The following LRRC4C variants were observed in gnomAD, a reference collection of about 807,000 sequenced individuals.
The protein encoded by LRRC4C is leucine rich repeat containing 4C.
LRRC4C carries 5 observed loss-of-function variants against 33.6 expected under a neutral mutation model. That is an observed-to-expected ratio of 0.15 (90% CI 0.08 to 0.31). The LOEUF (loss-of-function observed/expected upper bound fraction) is 0.31. LRRC4C is among the 10% of genes least tolerant of loss of function. The probability of loss-of-function intolerance (pLI) is 1.00; values close to 1 mark genes in which losing one functional copy is unlikely to be tolerated. For synonymous variants in LRRC4C, 329 were observed against 302.0 expected (o/e 1.09, Z -0.93); for missense variants, 560 against 796.7 (o/e 0.70, Z 3.58).
rs1956417533 is a variant in LRRC4C at position 40,535,097 on chromosome 11, A to C, written c.-270+113045T>G. On this transcript the variant is annotated intron_variant, in intron 3 of 6. Coordinates refer to ENST00000528697, the MANE Select transcript of LRRC4C (RefSeq NM_001258419.2). ...AGAAAGTTCTGGAAATTAGATGTAT[A>C]GGTAGCAGTGTATTATGGGACTAAA... Among the ~76,000 whole-genome samples the C allele has an allele frequency of 3.3e-5, 5 of 152,322 alleles. No homozygotes were observed. The South Asian group carries it at 1.0e-3, about 32-fold the overall frequency.
intron 1 of LRRC4C, among the ~76,000 whole-genome samples, chr11:41,221,684 T>A (rs1038808743): frequency 2.6e-5 from 4 of 152,172 alleles, no homozygotes; most frequent in Admixed American, 2.0e-4. Flanking sequence ...GATAAAGACA[T>A]TCTATATTGT....
At chr11:40,314,031 C>A (rs1945457238) in intron 4 of LRRC4C, among the ~76,000 whole-genome samples, 1 of 151,898 alleles carries the variant, frequency 6.6e-6, no homozygotes, top group South Asian at 2.1e-4. Flanking sequence ...AAAGCTTTTG[C>A]ACAGCCAAGG....
intron 3 of LRRC4C, among the ~76,000 whole-genome samples, chr11:40,414,823 C>A (rs1465216718): frequency 6.6e-6 from 1 of 151,982 alleles, no homozygotes; most frequent in East Asian, 1.9e-4. Context: ...ATCTTCTCTC[C>A]GAAGGGATGG....
chr11:41,054,277 G>A (rs1858459179), intron 1 of LRRC4C, among the ~76,000 whole-genome samples: 1 of 152,142 alleles, frequency 6.6e-6, no homozygotes, highest in Non-Finnish European at 1.5e-5. Context: ...GAAATTCTCT[G>A]CAGTGAAAAT....
intron 1 of LRRC4C, among the ~76,000 whole-genome samples, chr11:41,350,650 T>C (rs1481756911): frequency 6.6e-6 from 1 of 152,042 alleles, no homozygotes; most frequent in Non-Finnish European, 1.5e-5. Context: ...ATGGTTGAAA[T>C]GACAGACATA....
chr11:40,218,732 TATCTATCTATCC>T (rs1395770089), intron 5 of LRRC4C, among the ~76,000 whole-genome samples: 1 of 150,362 alleles, frequency 6.7e-6, no homozygotes, highest in Admixed American at 6.7e-5. Flanking sequence ...TCTATCTATC[TATCTATCTATCC>T]ATCCATCCAT....
intron 1 of LRRC4C, among the ~76,000 whole-genome samples, chr11:41,166,717 C>A (rs1590814589): frequency 6.6e-6 from 1 of 152,308 alleles, no homozygotes; most frequent in Admixed American, 6.5e-5. Flanking sequence ...ATATTTGCCA[C>A]TGTTTCCCCA....
At chr11:40,842,610 T>A (rs542598861) in intron 2 of LRRC4C, among the ~76,000 whole-genome samples, 1 of 152,264 alleles carries the variant, frequency 6.6e-6, no homozygotes, top group East Asian at 1.9e-4. Context: ...TTAACTATGG[T>A]CACTGTATTG....
At chr11:41,258,822 T>C (rs1948885095) in intron 1 of LRRC4C, among the ~76,000 whole-genome samples, 1 of 152,036 alleles carries the variant, frequency 6.6e-6, no homozygotes, top group African/African-American at 2.4e-5. Context: ...TAGGATGCCC[T>C]GATATTAGAC....
At chr11:41,393,724 G>C (rs1953694625) in intron 1 of LRRC4C, among the ~76,000 whole-genome samples, 1 of 152,012 alleles carries the variant, frequency 6.6e-6, no homozygotes, top group South Asian at 2.1e-4. Context: ...CAAAATCTGT[G>C]CAAATGAGTC....
intron 2 of LRRC4C, among the ~76,000 whole-genome samples, chr11:40,893,755 G>T (rs1446497811): frequency 6.6e-6 from 1 of 151,764 alleles, no homozygotes; most frequent in East Asian, 1.9e-4. Context: ...TATGACTTCA[G>T]ATTTGGAGAT....
chr11:41,302,802 C>T (rs1950322330), intron 1 of LRRC4C, among the ~76,000 whole-genome samples: 2 of 152,148 alleles, frequency 1.3e-5, no homozygotes, highest in Admixed American at 1.3e-4. Flanking sequence ...AATTCGTGAT[C>T]TAAGTCTTTG....
chr11:40,352,949 C>T (rs1043722307), intron 3 of LRRC4C, among the ~76,000 whole-genome samples: 2 of 152,120 alleles, frequency 1.3e-5, no homozygotes, highest in African/African-American at 4.8e-5. Flanking sequence ...ATGCAGGATG[C>T]TTTGGAGCAC....
At chr11:41,278,995 T>C (rs2136913101) in intron 1 of LRRC4C, among the ~76,000 whole-genome samples, 1 of 152,280 alleles carries the variant, frequency 6.6e-6, no homozygotes. Context: ...CTCCCTGTTC[T>C]AGTCATCCCC....
intron 2 of LRRC4C, among the ~76,000 whole-genome samples, chr11:40,762,024 T>C (rs986856184): frequency 6.6e-6 from 1 of 152,156 alleles, no homozygotes; most frequent in African/African-American, 2.4e-5. Context: ...AAATTAATGG[T>C]GGTGGATCAC....
rs57224234 is a variant in LRRC4C at position 40,523,048 on chromosome 11, C to T, written c.-270+125094G>A. Among the ~76,000 whole-genome samples the T allele has an allele frequency of 1.6e-4, 24 of 152,160 alleles. No individual in the cohort carries two copies. In the South Asian group the frequency reaches 3.9e-3, roughly 25 times the overall value. On this transcript the variant is annotated intron_variant, in intron 3 of 6. Transcript: ENST00000528697. ...TCAAAAGCCTGCTTTCAATTATTTTCGTTGCATACTTAACAGAGTAATTGT... is the reference window on the plus strand; with the variant it reads ...TCAAAAGCCTGCTTTCAATTATTTTTGTTGCATACTTAACAGAGTAATTGT...
chr11:40,646,328 T>G (rs1942455152), intron 3 of LRRC4C, among the ~76,000 whole-genome samples: 2 of 152,196 alleles, frequency 1.3e-5, no homozygotes, highest in African/African-American at 4.8e-5. Context: ...GCAAAAAGTT[T>G]AAAGCTCCTG....
chr11:40,823,157 T>C (rs1952012686), intron 2 of LRRC4C, among the ~76,000 whole-genome samples: 2 of 151,800 alleles, frequency 1.3e-5, no homozygotes, highest in Non-Finnish European at 2.9e-5. Context: ...GCCTTTTACT[T>C]TACTGTATGT....
At chr11:41,328,345 C>G (rs1352356320) in intron 1 of LRRC4C, among the ~76,000 whole-genome samples, 1 of 152,110 alleles carries the variant, frequency 6.6e-6, no homozygotes, top group Non-Finnish European at 1.5e-5. Flanking sequence ...GCCTCACTGT[C>G]TAAAAAATTA....
Sources: allele counts gnomAD v4.1 joint callset (sites outside exome capture counted in the v4.1 genomes callset), GRCh38; gene constraint gnomAD v4.1.1; transcripts MANE v1.5; gene names NCBI Gene and HGNC (gene_info 2026-07-23, HGNC 2026-07-21).